Variants in LRP1 observed in about 807,000 individuals in gnomAD.
The protein encoded by LRP1 is LDL receptor related protein 1.
In LRP1, 51 loss-of-function variants were observed where a neutral mutation model predicts 541.5. The ratio of observed to expected loss-of-function variants is 0.09; its 90% CI spans 0.08 to 0.12. LRP1 has a LOEUF of 0.12. LRP1 is among the 10% of genes least tolerant of loss of function. The probability of loss-of-function intolerance (pLI) is 1.00; values close to 1 mark genes in which losing one functional copy is unlikely to be tolerated. For synonymous variants in LRP1, 2,219 were observed against 2,470.8 expected, an observed-to-expected ratio of 0.90 and a Z score of 3.02; for missense variants, 3,878 against 6,376.2, an observed-to-expected ratio of 0.61 and a Z score of 13.34.
intron 42 of LRP1, 69 bp downstream of exon 42, chr12:57,187,525 C>A: frequency 6.7e-7 from 1 of 1,487,220 alleles, no homozygotes; most frequent in Non-Finnish European, 9.1e-7. Context: ...ACTCCCCAGG[C>A]AGATCCAAGC....
At chr12:57,153,462 G>GCCT (rs1408524043) in intron 6 of LRP1, among the ~76,000 whole-genome samples, 5 of 152,164 alleles carry the variant, frequency 3.3e-5, no homozygotes, top group Non-Finnish European at 7.3e-5. Context: ...TCTGAGCCAT[G>GCCT]CCTCAGTTTG....
chr12:57,206,832 C>G lies in LRP1; in HGVS notation c.11859+91C>G. 1 of 1,431,780 alleles carries G rather than the reference C, an allele frequency of 7.0e-7. No homozygotes were observed. 88.7% of individuals were successfully genotyped at this position (1,431,780 alleles called of 1,614,324 possible). On this transcript the variant is annotated intron_variant, in intron 76 of 88. Transcript: ENST00000243077. This position sits in a 1 kb window ranked among gnomAD's most constrained non-coding sequence, Gnocchi z 4.7. ...TTTGAAAAGGGCAGTGCTGGCTAGG[C>G]GCAGTGGCTCACGCCTATAATCCCA...
chr12:57,169,834 C>A (rs2035911812), intron 20 of LRP1, among the ~76,000 whole-genome samples: 1 of 152,258 alleles, frequency 6.6e-6, no homozygotes, highest in Non-Finnish European at 1.5e-5. Context: ...CTCTGGGGCC[C>A]AGCCTCGGGG....
intron 68 of LRP1, chr12:57,202,806 C>T (rs1226583968): frequency 5.1e-6 from 3 of 584,394 alleles, no homozygotes; most frequent in Middle Eastern, 4.5e-4. Flanking sequence ...ATACCCCCAC[C>T]TCTGTCCCAG....
chr12:57,184,691 T>G lies in LRP1; in HGVS notation c.6187-148T>G, dbSNP rs1012281631. The G allele has an allele frequency of 1.6e-5, 16 of 974,328 alleles. No homozygotes were observed. Among genetic ancestry groups the G allele is most frequent in the Non-Finnish European group, 2.3e-5 (15 of 665,830 alleles). The allele number at this position is 974,328 out of a possible 1,614,324, so 60.4% of individuals were successfully genotyped here. ...GGAGGTCACCTTATCAGCAGGGCAG[T>G]GGGCAGGAGTGTATGCAGGAGGCAG... is the stretch of plus-strand genomic sequence containing the variant. On this transcript the variant is annotated intron_variant, in intron 38 of 88. Coordinates refer to ENST00000243077, the MANE Select transcript of LRP1 (RefSeq NM_002332.3). This position sits in a 1 kb window ranked among gnomAD's most constrained non-coding sequence, Gnocchi z 7.8.
chr12:57,181,756 C>T lies in LRP1; in HGVS notation c.5662+465C>T, dbSNP rs185791769. Among the ~76,000 whole-genome samples the T allele has an allele frequency of 2.0e-3, 298 of 152,150 alleles. 4 individuals carry two copies. Among genetic ancestry groups the T allele is most frequent in the African/African-American group, 6.9e-3 (285 of 41,516 alleles). On this transcript the variant is annotated intron_variant, in intron 34 of 88. Transcript: ENST00000243077. ...AATGGTGGTGGGGAAGAAACAGAGG[C>T]GGTTAAACCAGTTAGGAGGCCATTA...
At chr12:57,188,536 C>T (rs912073080) in intron 42 of LRP1, among the ~76,000 whole-genome samples, 1 of 152,150 alleles carries the variant, frequency 6.6e-6, no homozygotes, top group Non-Finnish European at 1.5e-5. Context: ...TTCCATGACC[C>T]TCGGCTGCCT....
intron 47 of LRP1, 84 bp downstream of exon 47, chr12:57,193,769 G>C (rs1054933428): frequency 2.5e-6 from 4 of 1,609,106 alleles, no homozygotes; most frequent in African/African-American, 2.7e-5. Context: ...CCTGGGCCCC[G>C]TGGTGTCTGG....
intron 6 of LRP1, chr12:57,146,685 C>T (rs895945481): frequency 1.3e-5 from 2 of 152,306 alleles, no homozygotes; most frequent in Non-Finnish European, 2.9e-5. Context: ...CCAGAGCATC[C>T]CTGATAGCGT....
At chr12:57,199,539 G>C in intron 61 of LRP1, 139 bp downstream of exon 61, 2 of 956,480 alleles carry the variant, frequency 2.1e-6, no homozygotes, top group Non-Finnish European at 3.0e-6. Context: ...TCTAGACAGG[G>C]GATGGTCTGG....
Position 57,128,488 on chromosome 12 carries a change from A to G in LRP1, c.-477A>G. On this transcript the variant is annotated 5_prime_UTR_variant, in exon 1 of 89. Transcript: ENST00000243077. ...CCATCAGCCCCCCCCTCGGCACTTC[A>G]GTCCGGGGAACAGCGGTGCGAGCTC... 1 of 144,752 alleles carries G rather than the reference A, an allele frequency of 6.9e-6. No homozygotes were observed. The highest frequency in any genetic ancestry group is 1.3e-5 in the Non-Finnish European group (1 of 77,110). 9.0% of individuals were successfully genotyped at this position (144,752 alleles called of 1,614,324 possible).
At chr12:57,199,742 C>T (rs1258252554) in intron 61 of LRP1, 135 bp from the exon 62 acceptor site, 3 of 1,093,706 alleles carry the variant, frequency 2.7e-6, no homozygotes, top group South Asian at 1.7e-5. Flanking sequence ...AGAATCCTCT[C>T]CTATCTCCAG....
At chr12:57,155,391 G>A (rs1391105937) in intron 8 of LRP1, 3 of 156,792 alleles carry the variant, frequency 1.9e-5, no homozygotes, top group East Asian at 1.9e-4. Flanking sequence ...AGTGTCTAAC[G>A]AGTGCCTAAT....
intron 3 of LRP1, 88 bp downstream of exon 3, chr12:57,141,599 G>T: frequency 5.9e-6 from 9 of 1,519,208 alleles, no homozygotes; most frequent in Non-Finnish European, 8.1e-6. Flanking sequence ...ACCTTCAGTG[G>T]GGATGAGGCC....
At chr12:57,175,881 T>C in intron 23 of LRP1, 28 bp from the exon 24 acceptor site, 5 of 1,611,998 alleles carry the variant, frequency 3.1e-6, no homozygotes, top group Non-Finnish European at 3.4e-6. Context: ...AGCCCCTTGC[T>C]GACCCCATCA....
At chr12:57,193,119 G>C in intron 45 of LRP1, 57 bp from the exon 46 acceptor site, 5 of 1,602,346 alleles carry the variant, frequency 3.1e-6, no homozygotes, top group Admixed American at 1.7e-5. Flanking sequence ...GGGAGGAGGC[G>C]TGGGCACTGG....
At chr12:57,207,880 G>A (rs1022545153) in intron 76 of LRP1, among the ~76,000 whole-genome samples, 158 bp from the exon 77 acceptor site, 2 of 152,228 alleles carry the variant, frequency 1.3e-5, no homozygotes, top group Non-Finnish European at 2.9e-5. Context: ...TGAGAGCTGC[G>A]AGTCTGGCGC....
At chr12:57,208,248 G>C in intron 77 of LRP1, 32 bp downstream of exon 77, 1 of 1,601,336 alleles carries the variant, frequency 6.2e-7, no homozygotes, top group Non-Finnish European at 8.5e-7. Flanking sequence ...AGGCCTCTGG[G>C]CTGGTGGTAG....
chr12:57,199,471 T>C, intron 61 of LRP1, 71 bp downstream of exon 61: 1 of 1,506,304 alleles, frequency 6.6e-7, no homozygotes, highest in South Asian at 1.2e-5. Flanking sequence ...TTCCTGCTCA[T>C]CCCTTCTCTA....
Sources: gnomAD v4.1 joint callset for allele counts (sites outside exome capture counted in the v4.1 genomes callset) on GRCh38, gnomAD v4.1.1 for gene constraint, Gnocchi (gnomAD v3.1) non-coding constraint, MANE v1.5 for transcripts, NCBI Gene and HGNC (gene_info 2026-07-23, HGNC 2026-07-21) for gene names.